FCHSD2: variants seen among roughly 807,000 people sequenced by gnomAD.
FCHSD2 encodes the protein F-BAR and double SH3 domains protein 2.
Under a neutral mutation model 108.1 loss-of-function variants are expected in FCHSD2, and 38 were observed. The ratio of observed to expected loss-of-function variants is 0.35; its 90% CI spans 0.27 to 0.46. FCHSD2 has a LOEUF of 0.46. Among genes scored for constraint, FCHSD2 ranks in the 20% least tolerant of loss-of-function variants. The pLI, the probability that FCHSD2 is intolerant of heterozygous loss-of-function variation, is 1.00. For missense variants in FCHSD2, 751 were observed against 897.8 expected (o/e 0.84, Z 2.09); for synonymous variants, 279 against 314.7 (o/e 0.89, Z 1.20).
chr11:73,112,367 G>A (rs186623151), intron 2 of FCHSD2, among the ~76,000 whole-genome samples: 66 of 152,232 alleles, frequency 4.3e-4, no homozygotes, highest in Non-Finnish European at 7.2e-4. Context: ...GGACATATTG[G>A]AGCTCCATTA....
At chr11:73,061,929 T>C (rs1278016270) in intron 3 of FCHSD2, among the ~76,000 whole-genome samples, 7 of 152,156 alleles carry the variant, frequency 4.6e-5, no homozygotes, top group Non-Finnish European at 1.5e-5. Context: ...AAGAGAGTAG[T>C]GGACCTCCCA....
intron 10 of FCHSD2, among the ~76,000 whole-genome samples, chr11:72,892,272 A>C (rs1334790578): frequency 6.6e-6 from 1 of 152,166 alleles, no homozygotes; most frequent in East Asian, 1.9e-4. Flanking sequence ...CTTATTTTTT[A>C]TGTGTCTACT....
intron 2 of FCHSD2, among the ~76,000 whole-genome samples, chr11:73,100,322 G>A (rs544658265): frequency 6.8e-6 from 1 of 146,908 alleles, no homozygotes; most frequent in Non-Finnish European, 1.5e-5. Context: ...TGACCTAAGC[G>A]CTTTACATGC....
chr11:72,860,663 A>AG (rs1330174226), intron 13 of FCHSD2, among the ~76,000 whole-genome samples: 1 of 152,088 alleles, frequency 6.6e-6, no homozygotes, highest in Non-Finnish European at 1.5e-5. Context: ...TGGGCAACAT[A>AG]GTGAGACCCC....
intron 2 of FCHSD2, among the ~76,000 whole-genome samples, chr11:73,085,076 CTGTT>C (rs1859784475): frequency 6.6e-6 from 1 of 152,002 alleles, no homozygotes; most frequent in African/African-American, 2.4e-5. Flanking sequence ...AAAAATATAA[CTGTT>C]TAAGATCTTA....
At chr11:72,943,589 C>T (rs776816570) in intron 8 of FCHSD2, among the ~76,000 whole-genome samples, 14 of 152,118 alleles carry the variant, frequency 9.2e-5, no homozygotes, top group Non-Finnish European at 1.9e-4. Flanking sequence ...ATGAAGGGCA[C>T]AGAAATGGAA....
At chr11:73,062,435 G>C (rs974877748) in intron 3 of FCHSD2, among the ~76,000 whole-genome samples, 1 of 152,174 alleles carries the variant, frequency 6.6e-6, no homozygotes, top group Non-Finnish European at 1.5e-5. Flanking sequence ...GATGGAGAAC[G>C]AGTTTGACAA....
At chr11:72,882,257 A>G (rs1381434741) in intron 12 of FCHSD2, among the ~76,000 whole-genome samples, 3 of 151,748 alleles carry the variant, frequency 2.0e-5, no homozygotes, top group African/African-American at 7.3e-5. Context: ...CTTGGCCAAC[A>G]TGGTAAAACC....
At chr11:73,029,632 C>T (rs1858312442) in intron 3 of FCHSD2, among the ~76,000 whole-genome samples, 1 of 152,180 alleles carries the variant, frequency 6.6e-6, no homozygotes, top group South Asian at 2.1e-4. Context: ...GGTAGGAAGT[C>T]ATTGCAGCAC....
intron 9 of FCHSD2, among the ~76,000 whole-genome samples, chr11:72,912,683 G>A (rs560652970): frequency 6.6e-6 from 1 of 152,216 alleles, no homozygotes; most frequent in African/African-American, 2.4e-5. Flanking sequence ...TTTTGGAATT[G>A]GTTGAGTAAA....
At chr11:72,868,166 CCA>C in intron 12 of FCHSD2, 140 bp from the exon 13 acceptor site, 1 of 734,766 alleles carries the variant, frequency 1.4e-6, no homozygotes, top group South Asian at 2.0e-5. Context: ...TACTATGCAG[CCA>C]TAAAAAGGAC....
intron 2 of FCHSD2, among the ~76,000 whole-genome samples, chr11:73,091,857 T>A (rs1222191308): frequency 6.6e-6 from 1 of 152,034 alleles, no homozygotes; most frequent in African/African-American, 2.4e-5. Context: ...CTGGCCAACA[T>A]GGTGAAACCC....
At chr11:73,066,804 A>C (rs556835437) in intron 3 of FCHSD2, among the ~76,000 whole-genome samples, 58 of 152,350 alleles carry the variant, frequency 3.8e-4, no homozygotes, top group African/African-American at 1.3e-3. Flanking sequence ...CGCCAGTTAG[A>C]ATGGCGATCA....
chr11:73,137,517 C>T (rs1005524279), intron 2 of FCHSD2, among the ~76,000 whole-genome samples: 2 of 152,110 alleles, frequency 1.3e-5, no homozygotes, highest in African/African-American at 4.8e-5. Flanking sequence ...AAATAAGATA[C>T]ATTTAAATAT....
intron 8 of FCHSD2, among the ~76,000 whole-genome samples, chr11:72,949,483 AAAAAGAAAAG>A (rs576112122): frequency 2.0e-4 from 31 of 152,066 alleles, no homozygotes; most frequent in South Asian, 4.2e-4. Context: ...GAAAGGAAAG[AAAAAGAAAAG>A]AAAAGAAAAG....
At chr11:73,120,024 A>G (rs1488631712) in intron 2 of FCHSD2, among the ~76,000 whole-genome samples, 1 of 151,732 alleles carries the variant, frequency 6.6e-6, no homozygotes, top group African/African-American at 2.4e-5. Context: ...GGCAGAAGGC[A>G]AAGAGGGAAT....
chr11:72,880,868 GA>G lies in FCHSD2; in HGVS notation c.1146+6601del, dbSNP rs147665190. 2.6e-3 allele frequency among the ~76,000 whole-genome samples: 343 copies of G among 134,208 alleles called. 1 individual carries two copies. The Middle Eastern group carries it at 0.037, about 15-fold the overall frequency. 88.0% of individuals were successfully genotyped at this position (134,208 alleles called of 152,430 possible). On this transcript the variant is annotated intron_variant, in intron 12 of 19. Transcript: ENST00000409418. ...GGGTGACAGAGTGATACCCTGTCTC[GA>G]AAAAAAAAAAAAGAAAACAACAACA... is the stretch of plus-strand genomic sequence containing the variant.
chr11:73,045,859 TATAC>T (rs1858750984), intron 3 of FCHSD2, among the ~76,000 whole-genome samples: 1 of 151,894 alleles, frequency 6.6e-6, no homozygotes, highest in Non-Finnish European at 1.5e-5. Context: ...ATGGCACATG[TATAC>T]ATATGTAACT....
chr11:72,922,395 T>A (rs1855992443), intron 8 of FCHSD2, among the ~76,000 whole-genome samples: 1 of 152,004 alleles, frequency 6.6e-6, no homozygotes, highest in Admixed American at 6.6e-5. Context: ...TGAACAGCAG[T>A]GACAGAAAAA....
Sources: gnomAD v4.1 joint callset for allele counts (sites outside exome capture counted in the v4.1 genomes callset) on GRCh38, gnomAD v4.1.1 for gene constraint, MANE v1.5 for transcripts, NCBI Gene and HGNC (gene_info 2026-07-23, HGNC 2026-07-21) for gene names.